The following CADPS2 variants were observed in gnomAD, a reference collection of about 807,000 sequenced individuals.
The protein encoded by CADPS2 is calcium-dependent secretion activator 2.
Under a neutral mutation model 172.5 loss-of-function variants are expected in CADPS2, and 93 were observed. That is an observed-to-expected ratio of 0.54 (90% CI 0.46 to 0.64). The LOEUF is 0.64. Among genes scored for constraint, CADPS2 ranks in the 30% least tolerant of loss-of-function variants. The pLI is 0.00. For missense variants in CADPS2, 1,420 were observed against 1,565.9 expected (o/e 0.91, Z 1.57); for synonymous variants, 546 against 555.2 (o/e 0.98, Z 0.23).
chr7:122,723,269 G>A (rs904874309), intron 2 of CADPS2, among the ~76,000 whole-genome samples: 4 of 152,052 alleles, frequency 2.6e-5, no homozygotes, highest in African/African-American at 9.7e-5. Flanking sequence ...GAACATTTTT[G>A]CAATCTACTC....
intron 2 of CADPS2, among the ~76,000 whole-genome samples, chr7:122,677,916 G>T (rs1436435473): frequency 6.6e-6 from 1 of 152,174 alleles, no homozygotes; most frequent in East Asian, 1.9e-4. Flanking sequence ...CAGCTTGATG[G>T]TATTTCTCTA....
chr7:122,879,275 T>C (rs572113777), intron 1 of CADPS2, among the ~76,000 whole-genome samples: 32 of 135,054 alleles, frequency 2.4e-4, no homozygotes, highest in Admixed American at 2.2e-3. Flanking sequence ...CAGTGGCTCA[T>C]GCAGGTAATC....
At chr7:122,785,687 T>TG (rs763323702) in intron 1 of CADPS2, among the ~76,000 whole-genome samples, 15 of 152,124 alleles carry the variant, frequency 9.9e-5, no homozygotes, top group Non-Finnish European at 2.2e-4. Context: ...TTGGGTTTTG[T>TG]GGGGGTTAGG....
At position 122,416,057 on chromosome 7, in the gene CADPS2, T is replaced by C; in HGVS notation, c.2580+4A>G. The C allele has an allele frequency of 6.7e-7, 1 of 1,499,244 alleles. No individual in the cohort carries two copies. The highest frequency in any genetic ancestry group is 2.5e-5 in the East Asian group (1 of 40,440). The allele number at this position is 1,499,244 out of a possible 1,614,324, so 92.9% of individuals were successfully genotyped here. Reference sequence around the variant, plus strand: ...TTTATACTACAGTGAAAACAGGTCATCACCTCTGCATGATGCTCTTCATTC... The same window carrying C: ...TTTATACTACAGTGAAAACAGGTCACCACCTCTGCATGATGCTCTTCATTC... On this transcript the variant is annotated splice_donor_region_variant and intron_variant, in intron 18 of 29. Transcript: ENST00000449022.
At chr7:122,452,491 A>G (rs112571793) in intron 14 of CADPS2, among the ~76,000 whole-genome samples, 8,997 of 152,132 alleles carry the variant, frequency 0.059, 641 homozygotes, top group African/African-American at 0.17. Context: ...CGCCTCCTGG[A>G]TTCAAGCAAT....
chr7:122,632,658 T>C (rs561888239), intron 3 of CADPS2, among the ~76,000 whole-genome samples: 2 of 152,354 alleles, frequency 1.3e-5, no homozygotes, highest in East Asian at 1.9e-4. Context: ...TGGTTGACTC[T>C]GTTGGTAATT....
At position 122,702,582 on chromosome 7, in the gene CADPS2, C is replaced by T. The variant is rs546942121; in HGVS notation, c.453+34373G>A. On this transcript the variant is annotated intron_variant, in intron 2 of 29. Coordinates refer to ENST00000449022, the MANE Select transcript of CADPS2 (RefSeq NM_017954.11). Reference sequence around the variant, plus strand: ...TGATTCCCGAACACTCCACTCTCTCCTAATTCCGATGTGATCTCATTTCCA... The same window carrying T: ...TGATTCCCGAACACTCCACTCTCTCTTAATTCCGATGTGATCTCATTTCCA... 18 of 1,613,660 alleles carry T rather than the reference C, an allele frequency of 1.1e-5. No individual in the cohort carries two copies. The Middle Eastern group carries it at 6.6e-4, about 59-fold the overall frequency.
intron 1 of CADPS2, among the ~76,000 whole-genome samples, chr7:122,839,051 A>G (rs1319243703): frequency 6.6e-6 from 1 of 152,210 alleles, no homozygotes; most frequent in Non-Finnish European, 1.5e-5. Flanking sequence ...ACAGTCACCA[A>G]AACAGCACGG....
At chr7:122,330,566 G>C (rs1230413953) in intron 28 of CADPS2, 1 of 152,160 alleles carries the variant, frequency 6.6e-6, no homozygotes, top group Non-Finnish European at 1.5e-5. Flanking sequence ...CAGACCCCCA[G>C]GCACAAGCAT....
At chr7:122,479,016 G>A (rs1004798315) in intron 12 of CADPS2, among the ~76,000 whole-genome samples, 1 of 151,972 alleles carries the variant, frequency 6.6e-6, no homozygotes, top group African/African-American at 2.4e-5. Context: ...TGCTCCTAGT[G>A]TTGTGAGAAA....
chr7:122,776,942 G>A (rs1480640808), intron 1 of CADPS2, among the ~76,000 whole-genome samples: 1 of 152,094 alleles, frequency 6.6e-6, no homozygotes, highest in African/African-American at 2.4e-5. Context: ...CTTGAGCCCA[G>A]GAAAAGGAGA....
intron 24 of CADPS2, among the ~76,000 whole-genome samples, chr7:122,380,919 A>G (rs1430960886): frequency 1.3e-5 from 2 of 152,108 alleles, no homozygotes; most frequent in Non-Finnish European, 2.9e-5. Flanking sequence ...GCTTGAAGAG[A>G]AGGAAAACGG....
At chr7:122,447,234 G>A (rs777550016) in intron 15 of CADPS2, among the ~76,000 whole-genome samples, 20 of 151,778 alleles carry the variant, frequency 1.3e-4, no homozygotes, top group Non-Finnish European at 2.6e-4. Context: ...TTGCTCAATA[G>A]TTTGTTCATA....
At chr7:122,581,115 TA>T in intron 7 of CADPS2, 63 bp downstream of exon 7, 1 of 1,159,940 alleles carries the variant, frequency 8.6e-7, no homozygotes, top group Non-Finnish European at 1.3e-6. Context: ...TGATCTACCT[TA>T]ATCATGAATC....
intron 1 of CADPS2, among the ~76,000 whole-genome samples, chr7:122,852,608 A>G (rs1813979365): frequency 6.6e-6 from 1 of 152,310 alleles, no homozygotes; most frequent in Admixed American, 6.5e-5. Context: ...AGGAACTTTC[A>G]GGTACAGAGA....
intron 1 of CADPS2, among the ~76,000 whole-genome samples, chr7:122,757,236 T>G (rs1473697702): frequency 6.6e-6 from 1 of 152,170 alleles, no homozygotes; most frequent in East Asian, 1.9e-4. Context: ...AGCTTCTACC[T>G]ACCTGGCTCA....
chr7:122,611,247 T>C (rs965124200), intron 6 of CADPS2, among the ~76,000 whole-genome samples: 4 of 150,340 alleles, frequency 2.7e-5, no homozygotes, highest in African/African-American at 7.4e-5. Context: ...TAGGAGAGAG[T>C]CCAAGAAATC....
intron 20 of CADPS2, among the ~76,000 whole-genome samples, chr7:122,401,240 A>G (rs2045913654): frequency 6.6e-6 from 1 of 152,174 alleles, no homozygotes; most frequent in Non-Finnish European, 1.5e-5. Flanking sequence ...TTAGGCAGAG[A>G]TGCTGTGACA....
chr7:122,409,094 C>T (rs924254645), intron 19 of CADPS2, among the ~76,000 whole-genome samples: 1 of 152,118 alleles, frequency 6.6e-6, no homozygotes, highest in African/African-American at 2.4e-5. Context: ...GCATATATTA[C>T]CTTTGAATAT....
Sources: allele counts gnomAD v4.1 joint callset (sites outside exome capture counted in the v4.1 genomes callset), GRCh38; gene constraint gnomAD v4.1.1; transcripts MANE v1.5; gene names NCBI Gene and HGNC (gene_info 2026-07-23, HGNC 2026-07-21).